The following ANKS1A variants were observed in gnomAD, a reference collection of about 807,000 sequenced individuals.
ANKS1A encodes ankyrin repeat and SAM domain-containing protein 1A.
ANKS1A carries 55 observed loss-of-function variants against 120.3 expected under a neutral mutation model. The observed-to-expected ratio is 0.46, with a 90% CI of 0.37 to 0.57. The LOEUF is 0.57. ANKS1A is among the 20% of genes least tolerant of loss of function. The pLI is 0.00. For synonymous variants in ANKS1A, 590 were observed against 604.7 expected (o/e 0.98, Z 0.36); for missense variants, 1,123 against 1,480.3 (o/e 0.76, Z 3.96).
At chr6:34,949,078 G>A (rs150799480) in intron 1 of ANKS1A, among the ~76,000 whole-genome samples, 55 of 152,354 alleles carry the variant, frequency 3.6e-4, no homozygotes, top group Non-Finnish European at 7.9e-4. Context: ...AGATGAATAA[G>A]ACAAGGATGT....
At chr6:34,937,338 GAA>G (rs1392210272) in intron 1 of ANKS1A, among the ~76,000 whole-genome samples, 4 of 151,592 alleles carry the variant, frequency 2.6e-5, no homozygotes, top group African/African-American at 9.7e-5. Flanking sequence ...TTTTTAAAAA[GAA>G]TGGCTGGATT....
At chr6:35,028,623 C>T (rs544312237) in intron 11 of ANKS1A, among the ~76,000 whole-genome samples, 3 of 152,286 alleles carry the variant, frequency 2.0e-5, no homozygotes, top group African/African-American at 7.2e-5. Flanking sequence ...GAAATATTCT[C>T]TGCATGTAGA....
chr6:34,997,334 T>A (rs1772909521), intron 10 of ANKS1A, among the ~76,000 whole-genome samples: 1 of 151,854 alleles, frequency 6.6e-6, no homozygotes, highest in South Asian at 2.1e-4. Context: ...GTAGCTGGGA[T>A]TACAGGCATC....
At chr6:35,074,792 G>T (rs1451384995) in intron 13 of ANKS1A, among the ~76,000 whole-genome samples, 4 of 152,174 alleles carry the variant, frequency 2.6e-5, no homozygotes, top group Admixed American at 2.6e-4. Context: ...TGGCTTTGGG[G>T]CTCTCTTCAC....
intron 1 of ANKS1A, among the ~76,000 whole-genome samples, chr6:34,947,142 C>CT (rs71002514): frequency 0.11 from 11,534 of 102,020 alleles, 1,338 homozygotes; most frequent in African/African-American, 0.27. Context: ...ATAGTAGACT[C>CT]TTTTTTTTTT....
chr6:35,048,349 G>C (rs942983193), intron 11 of ANKS1A, among the ~76,000 whole-genome samples: 4 of 152,162 alleles, frequency 2.6e-5, no homozygotes, highest in Admixed American at 6.5e-5. Context: ...AGTGGAGACT[G>C]AGCCCGCTCT....
At chr6:35,076,831 T>C (rs1777382863) in intron 13 of ANKS1A, among the ~76,000 whole-genome samples, 1 of 152,088 alleles carries the variant, frequency 6.6e-6, no homozygotes, top group Non-Finnish European at 1.5e-5. Flanking sequence ...GGTTTCACAA[T>C]GCTGGCCAGG....
At chr6:34,898,618 C>A (rs1266662007) in intron 1 of ANKS1A, among the ~76,000 whole-genome samples, 2 of 152,008 alleles carry the variant, frequency 1.3e-5, no homozygotes, top group East Asian at 3.8e-4. Flanking sequence ...AGAAAAATTG[C>A]AAGACAAAGA....
At chr6:35,054,196 G>T in intron 12 of ANKS1A, 31 bp downstream of exon 12, 1 of 1,606,624 alleles carries the variant, frequency 6.2e-7, no homozygotes, top group Admixed American at 1.7e-5. Flanking sequence ...TTTCCCCACA[G>T]AAACTGGCAG....
chr6:35,018,146 C>G, intron 11 of ANKS1A, 87 bp downstream of exon 11: 2 of 1,372,410 alleles, frequency 1.5e-6, no homozygotes, highest in Non-Finnish European at 2.0e-6. Flanking sequence ...ACTCTCAGGC[C>G]CAGGATCTGG....
chr6:34,996,618 G>A (rs1218851530), intron 10 of ANKS1A, among the ~76,000 whole-genome samples: 7 of 151,900 alleles, frequency 4.6e-5, no homozygotes, highest in South Asian at 2.1e-4. Flanking sequence ...GTCCACAGGC[G>A]CGTGCTACCA....
intron 3 of ANKS1A, among the ~76,000 whole-genome samples, chr6:34,973,971 C>CCCTTCCCCTTG: frequency 1.4e-5 from 1 of 73,874 alleles, no homozygotes; most frequent in African/African-American, 5.3e-5. Context: ...CCTTGCCTTC[C>CCCTTCCCCTTG]CCTTCCCCTT....
Position 35,081,089 on chromosome 6 carries a change from A to G in ANKS1A, c.2640A>G (p.Thr880=). 1 of 1,613,802 alleles carries G rather than the reference A, an allele frequency of 6.2e-7. No homozygotes were observed. Among genetic ancestry groups the G allele is most frequent in the Non-Finnish European group, 8.5e-7 (1 of 1,179,962 alleles). The change falls in exon 17 of 24, where the codon ACA becomes ACG. Residue 880 remains threonine (T), a synonymous_variant. Coordinates refer to ENST00000360359, the MANE Select transcript of ANKS1A (RefSeq NM_015245.3). ...ATCTGCTGCTGCCTCCAGGGGACAC[A>G]GGCAGGAGGCGCCATGACAGTCTCC... ...SADLLLPPGD[T]GRRRHDSLHD... is the part of the protein sequence containing the mutation.
At chr6:34,913,484 G>A (rs1459764181) in intron 1 of ANKS1A, among the ~76,000 whole-genome samples, 1 of 152,126 alleles carries the variant, frequency 6.6e-6, no homozygotes, top group African/African-American at 2.4e-5. Flanking sequence ...GTGCCACTAT[G>A]CCCAGCTAAT....
intron 13 of ANKS1A, among the ~76,000 whole-genome samples, chr6:35,073,951 C>T (rs1374437291): frequency 2.6e-5 from 4 of 152,220 alleles, no homozygotes; most frequent in African/African-American, 4.8e-5. Context: ...GGGAGGACCC[C>T]GCGCTGCGCC....
intron 1 of ANKS1A, among the ~76,000 whole-genome samples, chr6:34,920,496 T>C (rs141813524): frequency 6.6e-6 from 1 of 152,258 alleles, no homozygotes; most frequent in African/African-American, 2.4e-5. Context: ...GGATTATAGG[T>C]GTGAGATTAC....
chr6:34,917,432 C>T (rs1268467170), intron 1 of ANKS1A, among the ~76,000 whole-genome samples: 1 of 152,224 alleles, frequency 6.6e-6, no homozygotes, highest in Non-Finnish European at 1.5e-5. Flanking sequence ...TCAAACCAAG[C>T]TCCGCTGCCC....
chr6:34,985,974 T>C (rs1262695396), intron 8 of ANKS1A, among the ~76,000 whole-genome samples: 1 of 152,112 alleles, frequency 6.6e-6, no homozygotes, highest in African/African-American at 2.4e-5. Flanking sequence ...AAGTTGAAAA[T>C]CTCATAAGTC....
At chr6:34,961,962 G>T (rs1218611441) in intron 1 of ANKS1A, among the ~76,000 whole-genome samples, 1 of 152,162 alleles carries the variant, frequency 6.6e-6, no homozygotes, top group Non-Finnish European at 1.5e-5. Context: ...CTGATTTCGT[G>T]TGTGATTTGG....
Sources: allele counts gnomAD v4.1 joint callset (sites outside exome capture counted in the v4.1 genomes callset), GRCh38; gene constraint gnomAD v4.1.1; transcripts MANE v1.5; gene names NCBI Gene and HGNC (gene_info 2026-07-23, HGNC 2026-07-21).